The following BACH2 variants were observed in gnomAD, a reference collection of about 807,000 sequenced individuals.
The protein encoded by BACH2 is BACH transcriptional regulator 2.
In BACH2, 5 loss-of-function variants were observed where a neutral mutation model predicts 61.8. The ratio of observed to expected loss-of-function variants is 0.08; its 90% CI spans 0.04 to 0.17. BACH2 has a LOEUF of 0.17. Ranked by LOEUF, BACH2 falls within the 10% of genes least tolerant of loss-of-function variation. BACH2 has a pLI of 1.00. For synonymous variants in BACH2, 446 were observed against 440.1 expected, an observed-to-expected ratio of 1.01 and a Z score of -0.17; for missense variants, 824 against 1,091.1, an observed-to-expected ratio of 0.76 and a Z score of 3.45.
intron 4 of BACH2, among the ~76,000 whole-genome samples, chr6:90,098,277 C>T (rs1197804987): frequency 6.6e-6 from 1 of 151,920 alleles, no homozygotes; most frequent in African/African-American, 2.4e-5. Flanking sequence ...TTCTTTGCCC[C>T]CCCCGCAACC....
intron 4 of BACH2, among the ~76,000 whole-genome samples, chr6:90,198,400 G>C (rs975622961): frequency 2.0e-5 from 3 of 152,196 alleles, no homozygotes; most frequent in African/African-American, 7.2e-5. Flanking sequence ...AGTAGCTGCA[G>C]CCATATTTCA....
rs532752483 is a variant in BACH2, at chr6:90,152,246, C to T, written c.-162+54323G>A. Among the ~76,000 whole-genome samples, 38 of 152,292 alleles carry T rather than the reference C, an allele frequency of 2.5e-4. No individual in the cohort carries two copies. In the South Asian group the frequency reaches 6.6e-3, roughly 27 times the overall value. ...GCACGACTCTATAATTTATTTCTAG[C>T]GATAAGCATCTTGTAGTGCTACACT... On this transcript the variant is annotated intron_variant, in intron 4 of 8. Coordinates refer to ENST00000257749, the MANE Select transcript of BACH2 (RefSeq NM_021813.4).
At chr6:90,123,741 G>C (rs1315163077) in intron 4 of BACH2, among the ~76,000 whole-genome samples, 35 of 122,892 alleles carry the variant, frequency 2.8e-4, no homozygotes, top group African/African-American at 1.2e-3. Context: ...CTGCACTCCA[G>C]CCTGGGCGAC....
intron 4 of BACH2, among the ~76,000 whole-genome samples, chr6:90,183,843 A>T (rs1240509081): frequency 3.9e-5 from 6 of 152,212 alleles, no homozygotes; most frequent in African/African-American, 1.4e-4. Context: ...GCCATGAAGC[A>T]ATTAGGCATG....
chr6:90,255,492 G>A (rs1047497541), intron 2 of BACH2, among the ~76,000 whole-genome samples: 60 of 152,130 alleles, frequency 3.9e-4, no homozygotes, highest in African/African-American at 1.4e-3. Flanking sequence ...TGGTAAATGG[G>A]GAGAATGACA....
At chr6:89,989,683 T>C (rs1047145755) in intron 6 of BACH2, among the ~76,000 whole-genome samples, 5 of 152,216 alleles carry the variant, frequency 3.3e-5, no homozygotes, top group African/African-American at 7.2e-5. Flanking sequence ...CCATGTCAAA[T>C]ACATTCTCTG....
Position 90,296,694 on chromosome 6 carries a change from C to G in BACH2, c.-660G>C, listed in dbSNP as rs569576200. 6.5e-6 allele frequency: 1 copy of G among 152,886 alleles called. No individual in the cohort carries two copies. Among genetic ancestry groups the G allele is most frequent in the Admixed American group, 6.6e-5 (1 of 15,240 alleles). 9.5% of individuals were successfully genotyped at this position (152,886 alleles called of 1,614,324 possible). On this transcript the variant is annotated 5_prime_UTR_variant, in exon 1 of 9. Coordinates refer to ENST00000257749, the MANE Select transcript of BACH2 (RefSeq NM_021813.4). ...GGGGAGGCCGGGGGGAAAGCGAGAGCGGGGCGGCGGCGGGAGTGGGCAGGC... is the reference window on the plus strand; with the variant it reads ...GGGGAGGCCGGGGGGAAAGCGAGAGGGGGGCGGCGGCGGGAGTGGGCAGGC...
intron 4 of BACH2, among the ~76,000 whole-genome samples, chr6:90,194,557 G>C (rs959007711): frequency 1.1e-4 from 16 of 152,168 alleles, no homozygotes; most frequent in African/African-American, 3.9e-4. Context: ...ATCCAAGACA[G>C]AGATTGCAGA....
chr6:89,981,957 A>T (rs1171037627), intron 6 of BACH2, among the ~76,000 whole-genome samples: 1 of 151,964 alleles, frequency 6.6e-6, no homozygotes. Flanking sequence ...TGTGAGATGC[A>T]GGTTGCTAGA....
intron 5 of BACH2, among the ~76,000 whole-genome samples, chr6:90,050,365 G>C (rs906644768): frequency 1.3e-5 from 2 of 152,132 alleles, no homozygotes; most frequent in Non-Finnish European, 2.9e-5. Flanking sequence ...GTTACCACTT[G>C]TCAAATTTTA....
At chr6:90,279,811 C>G (rs1409766553) in intron 1 of BACH2, among the ~76,000 whole-genome samples, 1 of 152,118 alleles carries the variant, frequency 6.6e-6, no homozygotes, top group African/African-American at 2.4e-5. Flanking sequence ...AATTTTATGA[C>G]TAGCCCTTTA....
At chr6:90,076,578 G>A (rs867437905) in intron 5 of BACH2, among the ~76,000 whole-genome samples, 30 of 152,160 alleles carry the variant, frequency 2.0e-4, no homozygotes, top group Non-Finnish European at 1.2e-4. Flanking sequence ...AATATCTTCT[G>A]CATGGTGCCA....
intron 4 of BACH2, among the ~76,000 whole-genome samples, chr6:90,113,526 G>A (rs1248561274): frequency 5.3e-5 from 8 of 152,112 alleles, no homozygotes; most frequent in Admixed American, 5.2e-4. Flanking sequence ...CAGAAATCAA[G>A]AAGTTTATTG....
intron 5 of BACH2, among the ~76,000 whole-genome samples, chr6:90,081,789 A>G (rs568114884): frequency 6.6e-6 from 1 of 152,258 alleles, no homozygotes; most frequent in Non-Finnish European, 1.5e-5. Context: ...GTGGATTACA[A>G]TTCTACATTT....
At chr6:90,260,566 C>A (rs1268290482) in intron 2 of BACH2, among the ~76,000 whole-genome samples, 3 of 152,122 alleles carry the variant, frequency 2.0e-5, no homozygotes, top group Non-Finnish European at 4.4e-5. Flanking sequence ...GTCCATTTGG[C>A]CAAAAATGCA....
chr6:90,029,536 C>CACACACTAT (rs1413378686), intron 5 of BACH2, among the ~76,000 whole-genome samples: 1 of 152,194 alleles, frequency 6.6e-6, no homozygotes, highest in Non-Finnish European at 1.5e-5. Flanking sequence ...TCACATCTCA[C>CACACACTAT]ACACACTATA....
At chr6:90,278,158 G>C (rs1349037621) in intron 1 of BACH2, among the ~76,000 whole-genome samples, 1 of 152,194 alleles carries the variant, frequency 6.6e-6, no homozygotes, top group Non-Finnish European at 1.5e-5. Flanking sequence ...AAATATTAAA[G>C]CTTCAATAAT....
chr6:89,978,329 A>G (rs1775766388), intron 6 of BACH2, among the ~76,000 whole-genome samples: 1 of 152,220 alleles, frequency 6.6e-6, no homozygotes, highest in East Asian at 1.9e-4. Flanking sequence ...GCAACAGATC[A>G]TAAAAATTCA....
At chr6:90,057,659 G>T (rs1780442437) in intron 5 of BACH2, among the ~76,000 whole-genome samples, 1 of 152,204 alleles carries the variant, frequency 6.6e-6, no homozygotes, top group African/African-American at 2.4e-5. Context: ...AAGCCTGGCA[G>T]AGACACAACA....
Sources: allele counts gnomAD v4.1 joint callset (sites outside exome capture counted in the v4.1 genomes callset), GRCh38; gene constraint gnomAD v4.1.1; transcripts MANE v1.5; gene names NCBI Gene and HGNC (gene_info 2026-07-23, HGNC 2026-07-21).